XRCC4: variants seen among roughly 807,000 people sequenced by gnomAD.
XRCC4 encodes the protein DNA repair protein XRCC4.
In XRCC4, 28 loss-of-function variants were observed where a neutral mutation model predicts 39.1. That is an observed-to-expected ratio of 0.72 (90% CI 0.53 to 0.98). The LOEUF is 0.98. XRCC4 is among the 50% of genes least tolerant of loss of function. The pLI is 0.00. For synonymous variants in XRCC4, 123 were observed against 126.4 expected, an observed-to-expected ratio of 0.97 and a Z score of 0.18; for missense variants, 350 against 376.4, an observed-to-expected ratio of 0.93 and a Z score of 0.58.
At chr5:83,151,110 A>G (rs1323715052) in intron 3 of XRCC4, among the ~76,000 whole-genome samples, 1 of 152,170 alleles carries the variant, frequency 6.6e-6, no homozygotes, top group Non-Finnish European at 1.5e-5. Context: ...AAGTTACAAA[A>G]AATGCCAAAT....
chr5:83,114,850 A>C (rs1403967266), intron 3 of XRCC4, among the ~76,000 whole-genome samples: 1 of 152,194 alleles, frequency 6.6e-6, no homozygotes, highest in Admixed American at 6.5e-5. Context: ...TTACACTGCT[A>C]ATAAAGACAT....
chr5:83,104,347 AT>A (rs1220467292), intron 1 of XRCC4, among the ~76,000 whole-genome samples: 2 of 152,150 alleles, frequency 1.3e-5, no homozygotes, highest in Non-Finnish European at 2.9e-5. Context: ...TTACTGTAAT[AT>A]TTCAGTAGTG....
At chr5:83,143,509 A>G (rs1748284504) in intron 3 of XRCC4, among the ~76,000 whole-genome samples, 1 of 152,130 alleles carries the variant, frequency 6.6e-6, no homozygotes, top group African/African-American at 2.4e-5. Context: ...TCTGTTGTGG[A>G]GTTGGTATTT....
intron 7 of XRCC4, among the ~76,000 whole-genome samples, chr5:83,320,071 A>G (rs1418875583): frequency 6.7e-6 from 1 of 149,320 alleles, no homozygotes; most frequent in Non-Finnish European, 1.5e-5. Flanking sequence ...CATGGATGAA[A>G]TTGGAAACCA....
intron 7 of XRCC4, among the ~76,000 whole-genome samples, chr5:83,310,144 AG>A (rs1335394736): frequency 1.3e-5 from 2 of 152,236 alleles, no homozygotes; most frequent in African/African-American, 4.8e-5. Flanking sequence ...ATCTGGCTAC[AG>A]GATCTCAAAA....
At chr5:83,178,231 C>T (rs1412542640) in intron 3 of XRCC4, among the ~76,000 whole-genome samples, 1 of 151,934 alleles carries the variant, frequency 6.6e-6, no homozygotes, top group Admixed American at 6.6e-5. Context: ...ATTTGAGGAC[C>T]TTTTGCGACA....
At chr5:83,156,105 C>A (rs918991067) in intron 3 of XRCC4, among the ~76,000 whole-genome samples, 5 of 151,996 alleles carry the variant, frequency 3.3e-5, no homozygotes, top group African/African-American at 1.2e-4. Flanking sequence ...TTGGCTACCA[C>A]CCTGTTTGAA....
chr5:83,137,846 G>A (rs771783111), intron 3 of XRCC4, among the ~76,000 whole-genome samples: 1 of 152,164 alleles, frequency 6.6e-6, no homozygotes, highest in Non-Finnish European at 1.5e-5. Flanking sequence ...CTAGTATATA[G>A]TAAATTCCTT....
chr5:83,142,659 T>C (rs1748239706), intron 3 of XRCC4, among the ~76,000 whole-genome samples: 2 of 148,784 alleles, frequency 1.3e-5, no homozygotes, highest in South Asian at 2.2e-4. Flanking sequence ...ATTTGAAGTT[T>C]TGTGAGAGTG....
intron 3 of XRCC4, among the ~76,000 whole-genome samples, chr5:83,155,535 C>A (rs1321029456): frequency 6.6e-6 from 1 of 152,114 alleles, no homozygotes; most frequent in Non-Finnish European, 1.5e-5. Flanking sequence ...ATCTTGAACG[C>A]TGTCCTCAGT....
intron 6 of XRCC4, among the ~76,000 whole-genome samples, chr5:83,247,586 G>A (rs2112864679): frequency 6.6e-6 from 1 of 152,324 alleles, no homozygotes; most frequent in East Asian, 1.9e-4. Flanking sequence ...GAACTGATAT[G>A]TCATCCACAG....
At chr5:83,315,584 G>A (rs889009378) in intron 7 of XRCC4, among the ~76,000 whole-genome samples, 9 of 152,104 alleles carry the variant, frequency 5.9e-5, no homozygotes, top group Non-Finnish European at 1.2e-4. Flanking sequence ...TGAAGCCAGT[G>A]CTCATTTATC....
intron 3 of XRCC4, among the ~76,000 whole-genome samples, chr5:83,183,967 A>T (rs1017717588): frequency 5.3e-5 from 8 of 152,194 alleles, no homozygotes; most frequent in African/African-American, 1.9e-4. Flanking sequence ...AAATAAGATT[A>T]TATAGCAAAG....
intron 3 of XRCC4, among the ~76,000 whole-genome samples, chr5:83,189,734 G>A (rs1249625384): frequency 6.6e-6 from 1 of 152,138 alleles, no homozygotes; most frequent in Non-Finnish European, 1.5e-5. Context: ...GTCCCTTTTA[G>A]GAGGTGCATT....
At chr5:83,141,140 C>A (rs1394831937) in intron 3 of XRCC4, among the ~76,000 whole-genome samples, 1 of 152,180 alleles carries the variant, frequency 6.6e-6, no homozygotes, top group Non-Finnish European at 1.5e-5. Context: ...TCATAAGGAA[C>A]TTCTCCTTTT....
At chr5:83,142,661 G>A (rs1282278051) in intron 3 of XRCC4, among the ~76,000 whole-genome samples, 5 of 146,578 alleles carry the variant, frequency 3.4e-5, no homozygotes, top group Admixed American at 2.0e-4. Flanking sequence ...TTGAAGTTTT[G>A]TGAGAGTGAG....
At chr5:83,174,611 G>GA (rs547669468) in intron 3 of XRCC4, among the ~76,000 whole-genome samples, 90 of 152,286 alleles carry the variant, frequency 5.9e-4, no homozygotes, top group African/African-American at 2.1e-3. Flanking sequence ...ACAATTCGCT[G>GA]AAGTGGAACT....
chr5:83,119,739 A>C (rs1015967915), intron 3 of XRCC4, among the ~76,000 whole-genome samples: 1 of 152,190 alleles, frequency 6.6e-6, no homozygotes, highest in East Asian at 1.9e-4. Flanking sequence ...TGGAAGGCCA[A>C]TGTGGGAGGA....
intron 1 of XRCC4, among the ~76,000 whole-genome samples, chr5:83,096,255 C>G (rs10041568): frequency 0.042 from 6,440 of 152,096 alleles, 418 homozygotes; most frequent in African/African-American, 0.14. Flanking sequence ...ATCCCAGTGG[C>G]TCAGATGGGT....
Sources: gnomAD v4.1 joint callset for allele counts (sites outside exome capture counted in the v4.1 genomes callset) on GRCh38, gnomAD v4.1.1 for gene constraint, MANE v1.5 for transcripts, NCBI Gene and HGNC (gene_info 2026-07-23, HGNC 2026-07-21) for gene names.